Variants in IMMP2L observed in about 807,000 individuals in gnomAD.
IMMP2L encodes mitochondrial inner membrane protease subunit 2.
Under a neutral mutation model 19.3 loss-of-function variants are expected in IMMP2L, and 18 were observed. The observed-to-expected ratio is 0.93, with a 90% CI of 0.64 to 1.38. The LOEUF is 1.38. IMMP2L is among the 40% of genes most tolerant of loss of function. The probability of loss-of-function intolerance (pLI) is 0.00; values close to 1 mark genes in which losing one functional copy is unlikely to be tolerated. For synonymous variants in IMMP2L, 76 were observed against 73.0 expected, an observed-to-expected ratio of 1.04 and a Z score of -0.21; for missense variants, 233 against 218.2, an observed-to-expected ratio of 1.07 and a Z score of -0.43.
At chr7:111,545,908 TTC>T (rs1395723514) in intron 1 of IMMP2L, among the ~76,000 whole-genome samples, 2 of 152,168 alleles carry the variant, frequency 1.3e-5, no homozygotes, top group African/African-American at 4.8e-5. Context: ...ATTTTTCATC[TTC>T]TTATAATTCC....
intron 3 of IMMP2L, among the ~76,000 whole-genome samples, chr7:111,230,795 CTG>C (rs983705623): frequency 4.0e-5 from 6 of 151,886 alleles, no homozygotes; most frequent in African/African-American, 7.3e-5. Context: ...CAATTACAAA[CTG>C]AGATATGATC....
chr7:110,960,010 A>C (rs888206568), intron 4 of IMMP2L, among the ~76,000 whole-genome samples: 2 of 151,984 alleles, frequency 1.3e-5, no homozygotes, highest in Admixed American at 1.3e-4. Flanking sequence ...TTGCAGTTTC[A>C]CATTGTTGAC....
At chr7:111,560,622 T>C (rs575635721) in intron 1 of IMMP2L, among the ~76,000 whole-genome samples, 6 of 152,318 alleles carry the variant, frequency 3.9e-5, no homozygotes, top group Admixed American at 1.3e-4. Context: ...TGATCAGTAG[T>C]ACAGGGAAAG....
At chr7:111,156,701 C>T (rs754766410) in intron 3 of IMMP2L, among the ~76,000 whole-genome samples, 2 of 151,810 alleles carry the variant, frequency 1.3e-5, no homozygotes, top group African/African-American at 4.8e-5. Context: ...ATATTAATGT[C>T]GTCTTTTAAA....
chr7:111,462,250 T>C (rs1840200802), intron 3 of IMMP2L, among the ~76,000 whole-genome samples: 1 of 152,118 alleles, frequency 6.6e-6, no homozygotes, highest in Non-Finnish European at 1.5e-5. Flanking sequence ...TGGATACATC[T>C]TAGTGAATTT....
At chr7:110,997,225 G>T (rs1166244311) in intron 3 of IMMP2L, among the ~76,000 whole-genome samples, 1 of 152,070 alleles carries the variant, frequency 6.6e-6, no homozygotes, top group Non-Finnish European at 1.5e-5. Flanking sequence ...TATATCAATA[G>T]TTCATTCCTT....
At chr7:111,321,931 T>C (rs1824760257) in intron 3 of IMMP2L, among the ~76,000 whole-genome samples, 1 of 151,956 alleles carries the variant, frequency 6.6e-6, no homozygotes, top group Non-Finnish European at 1.5e-5. Context: ...TGAAACACCT[T>C]GAGTTATGAT....
At chr7:111,445,674 G>C (rs1021001532) in intron 3 of IMMP2L, among the ~76,000 whole-genome samples, 7 of 151,724 alleles carry the variant, frequency 4.6e-5, no homozygotes, top group African/African-American at 1.7e-4. Flanking sequence ...TGGGAAATGG[G>C]ATTAATTAAA....
At chr7:111,292,092 T>C (rs979083216) in intron 3 of IMMP2L, among the ~76,000 whole-genome samples, 1 of 152,094 alleles carries the variant, frequency 6.6e-6, no homozygotes, top group African/African-American at 2.4e-5. Context: ...AAAACAACCA[T>C]ATTCAAAAAT....
chr7:111,270,065 G>GTGTC (rs1562989628), intron 3 of IMMP2L, among the ~76,000 whole-genome samples: 1 of 146,998 alleles, frequency 6.8e-6, no homozygotes, highest in Admixed American at 6.7e-5. Flanking sequence ...GTCTGTGTGT[G>GTGTC]TGTGTGTGTG....
At chr7:111,099,230 CATT>C (rs2129579593) in intron 3 of IMMP2L, among the ~76,000 whole-genome samples, 1 of 151,770 alleles carries the variant, frequency 6.6e-6, no homozygotes, top group East Asian at 1.9e-4. Context: ...TCTCAAATTT[CATT>C]ATTTATAATA....
At chr7:111,272,354 T>C (rs1818558385) in intron 3 of IMMP2L, among the ~76,000 whole-genome samples, 1 of 152,198 alleles carries the variant, frequency 6.6e-6, no homozygotes, top group Admixed American at 6.5e-5. Context: ...TCAGCTTAAA[T>C]GGCATGTCTA....
chr7:111,290,993 T>C (rs922948255), intron 3 of IMMP2L, among the ~76,000 whole-genome samples: 6 of 151,954 alleles, frequency 3.9e-5, no homozygotes, highest in African/African-American at 1.4e-4. Flanking sequence ...TAAATATTTG[T>C]GGGAGGAAAG....
intron 3 of IMMP2L, among the ~76,000 whole-genome samples, chr7:111,400,117 T>C (rs1833283845): frequency 6.6e-6 from 1 of 152,104 alleles, no homozygotes; most frequent in Non-Finnish European, 1.5e-5. Flanking sequence ...TATCACCTTA[T>C]ATTTCTGACT....
intron 4 of IMMP2L, among the ~76,000 whole-genome samples, chr7:110,951,483 A>G (rs1337553528): frequency 6.6e-6 from 1 of 152,006 alleles, no homozygotes; most frequent in Non-Finnish European, 1.5e-5. Context: ...AGTCAATAAT[A>G]AATTAAATGT....
intron 3 of IMMP2L, among the ~76,000 whole-genome samples, chr7:111,313,892 G>A (rs144969407): frequency 3.2e-4 from 48 of 152,194 alleles, no homozygotes; most frequent in African/African-American, 1.1e-3. Context: ...TGGATCCCAG[G>A]GGTGTATGTT....
chr7:111,402,152 A>G (rs1833480679), intron 3 of IMMP2L, among the ~76,000 whole-genome samples: 1 of 147,188 alleles, frequency 6.8e-6, no homozygotes, highest in African/African-American at 2.5e-5. Flanking sequence ...AATAATAATA[A>G]TAATAATAAT....
At chr7:110,739,723 T>C (rs976012356) in intron 5 of IMMP2L, among the ~76,000 whole-genome samples, 3 of 152,084 alleles carry the variant, frequency 2.0e-5, no homozygotes, top group Non-Finnish European at 4.4e-5. Flanking sequence ...TTAACAGATA[T>C]TTACAGAACA....
At chr7:111,096,744 T>C (rs768269477) in intron 3 of IMMP2L, among the ~76,000 whole-genome samples, 1 of 151,882 alleles carries the variant, frequency 6.6e-6, no homozygotes, top group Non-Finnish European at 1.5e-5. Flanking sequence ...GAACCCCCAA[T>C]GGATCAAGTG....
Sources: gnomAD v4.1 joint callset for allele counts (sites outside exome capture counted in the v4.1 genomes callset) on GRCh38, gnomAD v4.1.1 for gene constraint, MANE v1.5 for transcripts, NCBI Gene and HGNC (gene_info 2026-07-23, HGNC 2026-07-21) for gene names.